Variants in ADAMTS1 observed in about 807,000 individuals in gnomAD.
ADAMTS1 encodes the protein A disintegrin and metalloproteinase with thrombospondin motifs 1.
ADAMTS1 carries 19 observed loss-of-function variants against 87.9 expected under a neutral mutation model. That is an observed-to-expected ratio of 0.22 (90% CI 0.15 to 0.32). The LOEUF (loss-of-function observed/expected upper bound fraction) is 0.32, where lower values mean the gene tolerates loss of function less well. ADAMTS1 is among the 10% of genes least tolerant of loss of function. ADAMTS1 has a pLI of 1.00. For missense variants in ADAMTS1, 1,240 were observed against 1,259.1 expected, an observed-to-expected ratio of 0.98 and a Z score of 0.23; for synonymous variants, 542 against 501.8, an observed-to-expected ratio of 1.08 and a Z score of -1.07.
intron 1 of ADAMTS1, chr21:26,843,838 C>G: frequency 2.2e-6 from 1 of 455,224 alleles, no homozygotes; most frequent in Non-Finnish European, 4.3e-6. Flanking sequence ...CTCAGCGCAA[C>G]GTTGCAACCC....
chr21:26,843,629 G>C, intron 1 of ADAMTS1: 1 of 462,108 alleles, frequency 2.2e-6, no homozygotes, highest in East Asian at 7.0e-5. Context: ...GACCTCCCAA[G>C]CAGGTTCTGC....
At chr21:26,842,895 T>C in intron 1 of ADAMTS1, 1 of 576,750 alleles carries the variant, frequency 1.7e-6, no homozygotes, top group South Asian at 2.1e-5. Flanking sequence ...CGCGCTCCTT[T>C]GCATGGTCAG....
rs1299697701 is a variant in ADAMTS1, at chr21:26,838,554, C to T, written c.2089G>A (p.Val697Ile). ...STSVCVQGQC[V>I]KAGCDRIIDS... ...ATGATGCGATCACAACCAGCTTTTA[C>T]ACACTGTCCTTGCACACAGACAGAG... is the stretch of plus-strand genomic sequence containing the variant. The change falls in exon 8 of 9, where the codon GTA becomes ATA. Residue 697 changes from valine (V) to isoleucine (I), a missense_variant. Val to Ile is a conservative substitution (Grantham distance 29). This residue lies in a region of ADAMTS1 where 402 missense variants were observed against 399.1 expected (regional missense o/e 1.01). Coordinates refer to ENST00000284984, the MANE Select transcript of ADAMTS1 (RefSeq NM_006988.5). 1.2e-6 allele frequency: 2 copies of T among 1,614,188 alleles called. No individual in the cohort carries two copies. The highest frequency in any genetic ancestry group is 4.5e-5 in the East Asian group (2 of 44,882).
chr21:26,843,700 A>T (rs772462510), intron 1 of ADAMTS1: 1 of 495,200 alleles, frequency 2.0e-6, no homozygotes, highest in Admixed American at 2.1e-5. Flanking sequence ...AAGGGGACAG[A>T]AGTCTGCAGA....
In ADAMTS1 at chr21:26,844,864, C is replaced by T. The variant is rs77243208; in HGVS notation, c.91G>A (p.Gly31Arg). The T allele has an allele frequency of 2.4e-4, 378 of 1,554,104 alleles. 3 individuals are homozygous for T. The East Asian group carries it at 8.7e-3, about 36-fold the overall frequency. Reference protein sequence around the residue: ...AERAPGSRSFGPVPTLLLLAA... With the variant: ...AERAPGSRSFRPVPTLLLLAA... ...AGCAGCAGCAGCGTGGGTACTGGCC[C>T]AAAGCTCCGAGACCCCGGAGCCCGC... is the stretch of plus-strand genomic sequence containing the variant. The change falls in exon 1 of 9, where the codon GGG becomes AGG. Residue 31 changes from glycine to arginine, a missense_variant. By Grantham distance (125) the Gly-to-Arg change is moderately radical. Transcript: ENST00000284984.
chr21:26,838,464 T>C lies in ADAMTS1; in HGVS notation c.2179A>G (p.Ile727Val). ...TTTGCACTAGTAACTGATCCTGATA[T>C]TTTTTTACAAGTAGATCCATTTCCC... ...CGGNGSTCKKISGSVTSAKPG... is the reference protein window; with the variant it reads ...CGGNGSTCKKVSGSVTSAKPG... Residue 727 changes from isoleucine to valine, a missense_variant, in exon 8 of 9, where the codon ATA (isoleucine) becomes GTA (valine). Physicochemically the swap from Ile to Val is conservative, Grantham distance 29 (BLOSUM62 3). Around this residue, in one of 3 missense-constraint regions of ADAMTS1, gnomAD observed 402 missense variants for 399.1 expected, o/e 1.01. Coordinates refer to ENST00000284984, the MANE Select transcript of ADAMTS1 (RefSeq NM_006988.5). 1.2e-6 allele frequency: 2 copies of C among 1,614,158 alleles called. No homozygotes were observed. Among genetic ancestry groups the C allele is most frequent in the Non-Finnish European group, 8.5e-7 (1 of 1,180,024 alleles).
In ADAMTS1 at chr21:26,837,643, C is replaced by G. The variant is rs923841653; in HGVS notation, c.2840G>C (p.Ser947Thr). 20 of 1,614,114 alleles carry G rather than the reference C, an allele frequency of 1.2e-5. No individual in the cohort carries two copies. The highest frequency in any genetic ancestry group is 1.7e-5 in the Non-Finnish European group (20 of 1,180,060). ...SHDGGVLSHE[S>T]CDPLKKPKHF... ...TTTAGGTTTCTTTAAAGGATCACAG[C>G]TCTCATGAGATAACACCCCTCCATC... The change falls in exon 9 of 9, where the codon AGC becomes ACC. Residue 947 changes from serine to threonine, a missense_variant. Ser to Thr is a moderately conservative substitution (Grantham distance 58). Coordinates refer to ENST00000284984, the MANE Select transcript of ADAMTS1 (RefSeq NM_006988.5).
chr21:26,844,334 C>T lies in ADAMTS1; in HGVS notation c.621G>A (p.Pro207=), dbSNP rs1245674166. Residue 207 remains proline, a synonymous_variant, in exon 1 of 9, where the codon CCG becomes CCA. Coordinates refer to ENST00000284984, the MANE Select transcript of ADAMTS1 (RefSeq NM_006988.5). ...CGTCTTCGGTCTCCGCTTTCCCAGT[C>T]GGCCGGGGCTCGTCGTCCACGACCC... ...TCGVVDDEPR[P]TGKAETEDED... is the part of the protein sequence containing the mutation. 1.2e-6 allele frequency: 2 copies of T among 1,607,102 alleles called. No individual in the cohort carries two copies. The highest frequency in any genetic ancestry group is 1.7e-5 in the Admixed American group (1 of 59,660).
At position 26,837,421 on chromosome 21, in the gene ADAMTS1, A is replaced by T. The variant is rs1985389074; in HGVS notation, c.*158T>A. 2 of 642,316 alleles carry T rather than the reference A, an allele frequency of 3.1e-6. No individual in the cohort carries two copies. The highest frequency in any genetic ancestry group is 3.7e-5 in the African/African-American group (2 of 54,546). The allele number at this position is 642,316 out of a possible 1,614,324, so 39.8% of individuals were successfully genotyped here. Reference sequence around the variant, plus strand: ...TTGCAACTGGCAGTTTACTCTGATGATTCAACTCCTTTTCTATCTACCCCC... The same window carrying T: ...TTGCAACTGGCAGTTTACTCTGATGTTTCAACTCCTTTTCTATCTACCCCC... On this transcript the variant is annotated 3_prime_UTR_variant, in exon 9 of 9. Transcript: ENST00000284984.
In ADAMTS1 at chr21:26,844,775, T is replaced by G; in HGVS notation, c.180A>C (p.Leu60=). 6.5e-7 allele frequency: 1 copy of G among 1,549,980 alleles called. No homozygotes were observed. Among genetic ancestry groups the G allele is most frequent in the Non-Finnish European group, 8.7e-7 (1 of 1,145,128 alleles). Reference sequence around the variant, plus strand: ...GGGCGCGCTCCAGCTCCGGCACCACTAGCTCCTCGTCCTCCTCGGAGGGGC... The same window carrying G: ...GGGCGCGCTCCAGCTCCGGCACCACGAGCTCCTCGTCCTCCTCGGAGGGGC... ...LGRPSEEDEE[L]VVPELERAPG... Residue 60 remains leucine, a synonymous_variant, in exon 1 of 9, where the codon CTA becomes CTC. Coordinates refer to ENST00000284984, the MANE Select transcript of ADAMTS1 (RefSeq NM_006988.5).
rs1431274485 is a variant in ADAMTS1, at chr21:26,844,835, G to A, written c.120C>T (p.Ala40=). ...CGTCCGACACGGCCAGTAGCGCCGC[G>A]GCGAGCAGCAGCAGCGTGGGTACTG... ...FGPVPTLLLL[A]AALLAVSDAL... Residue 40 remains alanine, a synonymous_variant, in exon 1 of 9, where the codon GCC becomes GCT. Coordinates refer to ENST00000284984, the MANE Select transcript of ADAMTS1 (RefSeq NM_006988.5). 1 of 1,554,492 alleles carries A rather than the reference G, an allele frequency of 6.4e-7. No homozygotes were observed. Among genetic ancestry groups the A allele is most frequent in the Admixed American group, 1.8e-5 (1 of 55,512 alleles).
In ADAMTS1 at chr21:26,845,337, C is replaced by T. The variant is rs912222734; in HGVS notation, c.-383G>A. ...GATGTTGCTCACTCTGCTCAGGGCT[C>T]TCCCCTCTCCGTCCGGTAGCGCACC... is the stretch of plus-strand genomic sequence containing the variant. On this transcript the variant is annotated 5_prime_UTR_variant, in exon 1 of 9. Coordinates refer to ENST00000284984, the MANE Select transcript of ADAMTS1 (RefSeq NM_006988.5). The T allele has an allele frequency of 1.0e-5, 2 of 194,272 alleles. No individual in the cohort carries two copies. The highest frequency in any genetic ancestry group is 4.6e-5 in the African/African-American group (2 of 43,154). The allele number at this position is 194,272 out of a possible 1,614,324, so 12.0% of individuals were successfully genotyped here. A position where few individuals can be genotyped will look rare whatever the true frequency, so the allele number is the denominator to read the frequency against.
chr21:26,842,222 A>G, intron 2 of ADAMTS1, 117 bp downstream of exon 2: 1 of 1,080,674 alleles, frequency 9.3e-7, no homozygotes, highest in Non-Finnish European at 1.3e-6. Context: ...AAACCATGCT[A>G]GCCAATTAAA....
rs1985588545 is a variant in ADAMTS1 at position 26,844,880 on chromosome 21, C to A, written c.75G>T (p.Pro25=). The A allele has an allele frequency of 1.3e-6, 2 of 1,539,210 alleles. No homozygotes were observed. Among genetic ancestry groups the A allele is most frequent in the East Asian group, 2.3e-5 (1 of 43,532 alleles). Residue 25 remains proline (P), a synonymous_variant, in exon 1 of 9, where the codon CCG becomes CCT. Transcript: ENST00000284984. ...GSDMGNAERA[P]GSRSFGPVPT... Reference sequence around the variant, plus strand: ...GTACTGGCCCAAAGCTCCGAGACCCCGGAGCCCGCTCCGCGTTCCCCATGT... The same window carrying A: ...GTACTGGCCCAAAGCTCCGAGACCCAGGAGCCCGCTCCGCGTTCCCCATGT...
In ADAMTS1 at chr21:26,836,197, A is replaced by C. The variant is rs1985360387; in HGVS notation, c.*1382T>G. On this transcript the variant is annotated 3_prime_UTR_variant, in exon 9 of 9. Transcript: ENST00000284984. ...ACAAAATCTTATTGCCAAATAATTT[A>C]AGAAAATAATTCGGTCTTCAGATTC... 1 of 152,222 alleles carries C rather than the reference A, an allele frequency of 6.6e-6. No homozygotes were observed. Among genetic ancestry groups the C allele is most frequent in the African/African-American group, 2.4e-5 (1 of 41,462 alleles). The allele number at this position is 152,222 out of a possible 1,614,324, so 9.4% of individuals were successfully genotyped here. A position where few individuals can be genotyped will look rare whatever the true frequency, so the allele number is the denominator to read the frequency against.
In ADAMTS1 at chr21:26,837,668, C is replaced by CATGGGACAG; in HGVS notation, c.2806_2814dup (p.Leu936_His938dup). The CATGGGACAG allele has an allele frequency of 6.2e-7, 1 of 1,614,232 alleles. No homozygotes were observed. Among genetic ancestry groups the CATGGGACAG allele is most frequent in the Non-Finnish European group, 8.5e-7 (1 of 1,180,044 alleles). ...CTCTCATGAGATAACACCCCTCCAT[C>CATGGGACAG]ATGGGACAGACACTTCAAGCTTCTT... On this transcript the variant is annotated inframe_insertion, in exon 9 of 9. Coordinates refer to ENST00000284984, the MANE Select transcript of ADAMTS1 (RefSeq NM_006988.5).
chr21:26,842,244 G>T, intron 2 of ADAMTS1, 95 bp downstream of exon 2: 1 of 1,281,408 alleles, frequency 7.8e-7, no homozygotes, highest in Non-Finnish European at 1.1e-6. Flanking sequence ...AAGGTTAACT[G>T]CAAAAACACT....
chr21:26,843,227 A>G (rs1601924023), intron 1 of ADAMTS1, among the ~76,000 whole-genome samples: 1 of 152,130 alleles, frequency 6.6e-6, no homozygotes, highest in Non-Finnish European at 1.5e-5. Flanking sequence ...CACAAGGACC[A>G]CCCACTCTGC....
Position 26,839,948 on chromosome 21 carries a change from A to C in ADAMTS1, c.1779T>G (p.Asn593Lys). 1 of 1,613,926 alleles carries C rather than the reference A, an allele frequency of 6.2e-7. No homozygotes were observed. The highest frequency in any genetic ancestry group is 8.5e-7 in the Non-Finnish European group (1 of 1,180,010). ...GTTTGCCTTCACAGTACTTCCCTCC[A>C]TTCTTTGGGACTGGGTTGTCACATT... is the stretch of plus-strand genomic sequence containing the variant. ...MRECDNPVPK[N>K]GGKYCEGKRV... is the part of the protein sequence containing the mutation. Residue 593 changes from asparagine to lysine, a missense_variant, in exon 6 of 9, where the codon AAT becomes AAG. This residue lies in a region of ADAMTS1 where 317 missense variants were observed against 410.3 expected (regional missense o/e 0.77). Coordinates refer to ENST00000284984, the MANE Select transcript of ADAMTS1 (RefSeq NM_006988.5).
Sources: allele counts gnomAD v4.1 joint callset (sites outside exome capture counted in the v4.1 genomes callset), GRCh38; gene constraint gnomAD v4.1.1; regional missense constraint gnomAD v4.1.1; transcripts MANE v1.5; gene names NCBI Gene and HGNC (gene_info 2026-07-23, HGNC 2026-07-21).